ZNF287: variants seen among roughly 807,000 people sequenced by gnomAD.
ZNF287 encodes zinc finger protein with KRAB and SCAN domains 13.
Under a neutral mutation model 73.7 loss-of-function variants are expected in ZNF287, and 31 were observed. The observed-to-expected ratio is 0.42, with a 90% CI of 0.32 to 0.57. The LOEUF (loss-of-function observed/expected upper bound fraction) is 0.57. Ranked by LOEUF, ZNF287 falls within the 20% of genes least tolerant of loss-of-function variation. The pLI is 0.13. For missense variants in ZNF287, 641 were observed against 909.3 expected (o/e 0.70, Z 3.79); for synonymous variants, 301 against 307.2 (o/e 0.98, Z 0.21).
chr17:16,567,291 C>A, intron 2 of ZNF287, 38 bp downstream of exon 2: 2 of 1,574,772 alleles, frequency 1.3e-6, no homozygotes, highest in Non-Finnish European at 8.6e-7. Flanking sequence ...TCTTTAACCA[C>A]CCAGGGATTC....
Position 16,567,528 on chromosome 17 carries a change from A to G in ZNF287, c.204T>C (p.Ser68=). 1 of 1,614,172 alleles carries G rather than the reference A, an allele frequency of 6.2e-7. No individual in the cohort carries two copies. The highest frequency in any genetic ancestry group is 1.1e-5 in the South Asian group (1 of 91,078). ...ACTTAAGGCAGAGCTCTCGGAGTTG[A>G]CTCAATGCCTTTCGAGGACCAGCCA... ...PDLAGPRKAL[S]QLRELCLKWL... is the part of the protein sequence containing the mutation. Residue 68 remains serine (S), a synonymous_variant, in exon 2 of 6, where the codon AGT becomes AGC. Coordinates refer to ENST00000395825, the MANE Select transcript of ZNF287 (RefSeq NM_020653.4).
rs1294137759 is a variant in ZNF287, at chr17:16,550,469, T to C, written c.*1387A>G. Among the ~76,000 whole-genome samples the C allele has an allele frequency of 1.3e-5, 2 of 152,214 alleles. No individual in the cohort carries two copies. The highest frequency in any genetic ancestry group is 2.9e-5 in the Non-Finnish European group (2 of 68,024). ...TTCACCTTTTCCCCGACCCACATTC[T>C]GCAGTGAATTCAGATCTATTTTCCA... is the stretch of plus-strand genomic sequence containing the variant. On this transcript the variant is annotated 3_prime_UTR_variant, in exon 6 of 6. Coordinates refer to ENST00000395825, the MANE Select transcript of ZNF287 (RefSeq NM_020653.4).
intron 3 of ZNF287, 66 bp downstream of exon 3, chr17:16,566,459 C>T: frequency 7.4e-7 from 1 of 1,349,586 alleles, no homozygotes; most frequent in Non-Finnish European, 1.0e-6. Flanking sequence ...GTTATAGGGC[C>T]AGGTCAGAAA....
intron 4 of ZNF287, 23 bp downstream of exon 4, chr17:16,563,676 G>A (rs1331262129): frequency 1.2e-6 from 2 of 1,608,664 alleles, no homozygotes; most frequent in Admixed American, 1.7e-5. Context: ...GCTCGGAGGA[G>A]GAGGGATGCA....
At chr17:16,557,161 T>G (rs1907131573) in intron 5 of ZNF287, among the ~76,000 whole-genome samples, 2 of 152,220 alleles carry the variant, frequency 1.3e-5, no homozygotes, top group African/African-American at 4.8e-5. Flanking sequence ...ACGCACATTT[T>G]AAACAAATTA....
At chr17:16,557,534 G>C (rs1292691574) in intron 5 of ZNF287, among the ~76,000 whole-genome samples, 1 of 152,074 alleles carries the variant, frequency 6.6e-6, no homozygotes. Flanking sequence ...CCTACTTCCT[G>C]AAGTACCCTA....
Position 16,552,932 on chromosome 17 carries a change from C to T in ZNF287, c.1210G>A (p.Glu404Lys). ...KSYECEECGK[E>K]FRHISSLIAH... ...ATAAGGGATGAGATATGCCTAAACT[C>T]TTTCCCACATTCTTCACATTCATAC... Residue 404 changes from glutamate to lysine, a missense_variant, in exon 6 of 6, where the codon GAG becomes AAG. Physicochemically the swap from Glu to Lys is moderately conservative, Grantham distance 56. Transcript: ENST00000395825. This position sits in a 1 kb window ranked among gnomAD's most constrained non-coding sequence, Gnocchi z 6.5. 1.2e-6 allele frequency: 2 copies of T among 1,614,188 alleles called. No homozygotes were observed. The highest frequency in any genetic ancestry group is 8.5e-7 in the Non-Finnish European group (1 of 1,180,038).
chr17:16,567,557 C>A lies in ZNF287; in HGVS notation c.175G>T (p.Asp59Tyr), dbSNP rs773064867. The A allele has an allele frequency of 6.2e-7, 1 of 1,614,200 alleles. No individual in the cohort carries two copies. Among genetic ancestry groups the A allele is most frequent in the South Asian group, 1.1e-5 (1 of 91,082 alleles). The change falls in exon 2 of 6, where the codon GAC (aspartate) becomes TAC (tyrosine). Residue 59 changes from aspartate to tyrosine, a missense_variant. By Grantham distance (160) the Asp-to-Tyr change is radical. This residue lies in a region of ZNF287 where 357 missense variants were observed against 442.4 expected (regional missense o/e 0.81). Coordinates refer to ENST00000395825, the MANE Select transcript of ZNF287 (RefSeq NM_020653.4). ...AATGCCTTTCGAGGACCAGCCAGGT[C>A]TGGGTATGGAAAATTCCTAAAATTC... is the stretch of plus-strand genomic sequence containing the variant. ...RQNFRNFPYP[D>Y]LAGPRKALSQ...
rs1906300710 is a variant in ZNF287, at chr17:16,546,989, G to A, written c.*4867C>T. 6.6e-6 allele frequency among the ~76,000 whole-genome samples: 1 copy of A among 152,230 alleles called. No individual in the cohort carries two copies. Among genetic ancestry groups the A allele is most frequent in the Non-Finnish European group, 1.5e-5 (1 of 68,046 alleles). ...ATGCTTGCCATTTTTAATGGTTATA[G>A]TGTTCTAAGGGGCTAATAATTATGA... On this transcript the variant is annotated 3_prime_UTR_variant, in exon 6 of 6. Coordinates refer to ENST00000395825, the MANE Select transcript of ZNF287 (RefSeq NM_020653.4).
rs536987689 is a variant in ZNF287, at chr17:16,563,973, G to A, written c.502-148C>T. 7.6e-6 allele frequency: 6 copies of A among 789,426 alleles called. No individual in the cohort carries two copies. The South Asian group carries it at 8.2e-5, about 11-fold the overall frequency. The allele number at this position is 789,426 out of a possible 1,614,324, so 48.9% of individuals were successfully genotyped here. ...AGTTGTCTAGTCAAAACCCTCCCCT[G>A]ACATATGGACAGCCCTACAGCATCT... On this transcript the variant is annotated intron_variant, in intron 3 of 5. Transcript: ENST00000395825.
chr17:16,554,248 A>G (rs1906894744), intron 5 of ZNF287, among the ~76,000 whole-genome samples: 1 of 142,044 alleles, frequency 7.0e-6, no homozygotes, highest in Non-Finnish European at 1.5e-5. Context: ...ATCTTGGCTC[A>G]CTGCAACCTC....
In ZNF287 at chr17:16,563,776, C is replaced by T; in HGVS notation, c.551G>A (p.Trp184Ter). The change falls in exon 4 of 6, where the codon TGG becomes TAG. Residue 184 changes from tryptophan to a stop codon, truncating the protein, a stop_gained. Transcript: ENST00000395825. LOFTEE classifies it high-confidence loss of function. The part of the protein sequence containing the change: ...DVAVDITQED[W>*]ELMRPVQKEL... ...CTTCTGCACAGGACGCATTAACTCC[C>T]AGTCCTCCTGGGTGATGTCTACAGC... The T allele has an allele frequency of 6.2e-7, 1 of 1,613,992 alleles. No individual in the cohort carries two copies. Among genetic ancestry groups the T allele is most frequent in the Non-Finnish European group, 8.5e-7 (1 of 1,179,898 alleles).
chr17:16,553,970 G>A (rs1002164293), intron 5 of ZNF287, among the ~76,000 whole-genome samples: 10 of 152,270 alleles, frequency 6.6e-5, no homozygotes, highest in Admixed American at 5.9e-4. Flanking sequence ...ACATTATTGG[G>A]TCTCACCTGG....
At chr17:16,557,992 TAA>T (rs765516122) in intron 5 of ZNF287, 1 of 152,162 alleles carries the variant, frequency 6.6e-6, no homozygotes, top group Non-Finnish European at 1.5e-5. Flanking sequence ...TCTGATGATC[TAA>T]AAAACTCCTC....
rs1414767501 is a variant in ZNF287 at position 16,569,000 on chromosome 17, C to G, written c.-247G>C. The G allele has an allele frequency of 6.6e-6, 1 of 152,364 alleles. No homozygotes were observed. Among genetic ancestry groups the G allele is most frequent in the African/African-American group, 2.4e-5 (1 of 41,476 alleles). The allele number at this position is 152,364 out of a possible 1,614,324, so 9.4% of individuals were successfully genotyped here. ...GGCAGCCGGAGCGGCCCTAAGGCCA[C>G]AGGCAACAATGGCGACGCTGGCACA... is the stretch of plus-strand genomic sequence containing the variant. On this transcript the variant is annotated 5_prime_UTR_variant, in exon 1 of 6. Coordinates refer to ENST00000395825, the MANE Select transcript of ZNF287 (RefSeq NM_020653.4).
At chr17:16,555,236 T>G (rs1024948709) in intron 5 of ZNF287, among the ~76,000 whole-genome samples, 1 of 152,200 alleles carries the variant, frequency 6.6e-6, no homozygotes, top group Non-Finnish European at 1.5e-5. Flanking sequence ...CCAGCACTAT[T>G]ACTGATATCA....
At position 16,553,207 on chromosome 17, in the gene ZNF287, C is replaced by T. The variant is rs1186959684; in HGVS notation, c.935G>A (p.Ser312Asn). 1 of 1,601,242 alleles carries T rather than the reference C, an allele frequency of 6.2e-7. No individual in the cohort carries two copies. The highest frequency in any genetic ancestry group is 1.3e-5 in the African/African-American group (1 of 74,532). The change falls in exon 6 of 6, where the codon AGT becomes AAT. Residue 312 changes from serine to asparagine, a missense_variant. Physicochemically the swap from Ser to Asn is conservative, Grantham distance 46. Around this residue, in one of 2 missense-constraint regions of ZNF287, gnomAD observed 357 missense variants for 442.4 expected, o/e 0.81. Coordinates refer to ENST00000395825, the MANE Select transcript of ZNF287 (RefSeq NM_020653.4). ...QEYDPTEECL[S>N]KYDIYRNNFE... ...ATTATTTCTATATATATCATATTTA[C>T]TAAGACATTCTTCTGTAGGATCATA...
intron 5 of ZNF287, among the ~76,000 whole-genome samples, chr17:16,561,183 A>C (rs1328348320): frequency 6.6e-6 from 1 of 152,038 alleles, no homozygotes; most frequent in Non-Finnish European, 1.5e-5. Flanking sequence ...GTGTGGTGGC[A>C]CATGCCTCTA....
intron 5 of ZNF287, among the ~76,000 whole-genome samples, chr17:16,559,555 C>A (rs1907285459): frequency 7.2e-6 from 1 of 139,562 alleles, no homozygotes; most frequent in South Asian, 2.3e-4. Context: ...AGTATGAACT[C>A]CTGACTTAAA....
Sources: allele counts gnomAD v4.1 joint callset (sites outside exome capture counted in the v4.1 genomes callset), GRCh38; gene constraint gnomAD v4.1.1; regional missense constraint gnomAD v4.1.1; non-coding constraint Gnocchi (gnomAD v3.1); transcripts MANE v1.5; gene names NCBI Gene and HGNC (gene_info 2026-07-23, HGNC 2026-07-21).